CUX2: variants seen among roughly 807,000 people sequenced by gnomAD.
CUX2 encodes cut like homeobox 2.
A neutral mutation model predicts 144.8 loss-of-function variants in CUX2; 40 were observed. The ratio of observed to expected loss-of-function variants is 0.28; its 90% CI spans 0.21 to 0.36. The LOEUF (loss-of-function observed/expected upper bound fraction) is 0.36, where lower values mean the gene tolerates loss of function less well. CUX2 is among the 10% of genes least tolerant of loss of function. The pLI is 1.00. For missense variants in CUX2, 1,615 were observed against 1,994.0 expected, an observed-to-expected ratio of 0.81 and a Z score of 3.62; for synonymous variants, 827 against 875.6, an observed-to-expected ratio of 0.94 and a Z score of 0.98.
At chr12:111,272,336 G>C (rs577145582) in intron 4 of CUX2, among the ~76,000 whole-genome samples, 2 of 152,136 alleles carry the variant, frequency 1.3e-5, no homozygotes, top group South Asian at 4.1e-4. Context: ...CCATGCCCAC[G>C]CTTCTGCTCA....
intron 1 of CUX2, among the ~76,000 whole-genome samples, chr12:111,213,487 A>G (rs1460521918): frequency 1.3e-5 from 2 of 152,276 alleles, no homozygotes; most frequent in East Asian, 3.9e-4. Flanking sequence ...ACCTGGTCTG[A>G]TACCTTCCTT....
At chr12:111,340,410 A>G (rs914254992) in intron 20 of CUX2, among the ~76,000 whole-genome samples, 1 of 152,006 alleles carries the variant, frequency 6.6e-6, no homozygotes, top group African/African-American at 2.4e-5. Context: ...GCTTCTGACA[A>G]TCTAGAGGAT....
At chr12:111,075,142 T>G (rs1451183812) in intron 1 of CUX2, among the ~76,000 whole-genome samples, 3 of 126,388 alleles carry the variant, frequency 2.4e-5, no homozygotes, top group Non-Finnish European at 3.2e-5. Context: ...GAGCAGCCGC[T>G]CTCCCTGGCT....
chr12:111,116,244 G>A (rs1874299660), intron 1 of CUX2, among the ~76,000 whole-genome samples: 1 of 152,216 alleles, frequency 6.6e-6, no homozygotes, highest in Non-Finnish European at 1.5e-5. Context: ...TGCTTTCACA[G>A]CATCAGTCAG....
Position 111,186,586 on chromosome 12 carries a change from G to T in CUX2, c.64-27614G>T, listed in dbSNP as rs914715186. On this transcript the variant is annotated intron_variant, in intron 1 of 21. Transcript: ENST00000261726. The surrounding 1 kb of genome is among the most constrained non-coding windows in gnomAD (Gnocchi z 4.4). ...AGAGAGAGAAGGGCGACTCTGTGGC[G>T]TGAGGCTCGCAGCTGCACAGAGGCA... Among the ~76,000 whole-genome samples, 1 of 152,178 alleles carries T rather than the reference G, an allele frequency of 6.6e-6. No individual in the cohort carries two copies. The highest frequency in any genetic ancestry group is 1.5e-5 in the Non-Finnish European group (1 of 68,030).
At chr12:111,153,310 G>A (rs964227047) in intron 1 of CUX2, among the ~76,000 whole-genome samples, 15 of 152,154 alleles carry the variant, frequency 9.9e-5, no homozygotes, top group African/African-American at 2.7e-4. Flanking sequence ...ATATAGTGGC[G>A]ACCAAGACAG....
At position 111,304,397 on chromosome 12, in the gene CUX2, GTGACACT is replaced by G; in HGVS notation, c.858+85_858+91del. On this transcript the variant is annotated intron_variant, in intron 10 of 21. Coordinates refer to ENST00000261726, the MANE Select transcript of CUX2 (RefSeq NM_015267.4). This position sits in a 1 kb window ranked among gnomAD's most constrained non-coding sequence, Gnocchi z 4.7. Reference sequence around the variant, plus strand: ...TGAGTTTGCAGGTTTCAGCATGTGGGTGACACTTTGTGGTTGATTGTGTGCATCCATT... The same window carrying G: ...TGAGTTTGCAGGTTTCAGCATGTGGGTTGTGGTTGATTGTGTGCATCCATT... 1 of 1,114,016 alleles carries G rather than the reference GTGACACT, an allele frequency of 9.0e-7. No homozygotes were observed. Among genetic ancestry groups the G allele is most frequent in the Middle Eastern group, 1.9e-4 (1 of 5,142 alleles). The allele number at this position is 1,114,016 out of a possible 1,614,324, so 69.0% of individuals were successfully genotyped here. A position where few individuals can be genotyped will look rare whatever the true frequency, so the allele number is the denominator to read the frequency against.
chr12:111,260,338 C>T (rs936089356), intron 3 of CUX2, among the ~76,000 whole-genome samples: 1 of 151,820 alleles, frequency 6.6e-6, no homozygotes, highest in Non-Finnish European at 1.5e-5. Context: ...GTGGCGGGCG[C>T]CTGTAATCCC....
intron 21 of CUX2, among the ~76,000 whole-genome samples, chr12:111,346,582 G>C (rs1443952266): frequency 6.6e-6 from 1 of 152,132 alleles, no homozygotes; most frequent in Non-Finnish European, 1.5e-5. Context: ...GTTGCTAATA[G>C]TCTATATTAG....
In CUX2 at chr12:111,334,710, G is replaced by A. The variant is rs1565929132; in HGVS notation, c.3196G>A (p.Gly1066Arg). The change falls in exon 19 of 22, where the codon GGG becomes AGG. Residue 1066 changes from glycine (G) to arginine (R), a missense_variant and splice_region_variant. By Grantham distance (125) the Gly-to-Arg change is moderately radical. This residue lies in a region of CUX2 where 131 missense variants were observed against 223.1 expected (regional missense o/e 0.59). Coordinates refer to ENST00000261726, the MANE Select transcript of CUX2 (RefSeq NM_015267.4). Reference protein sequence around the residue: ...VKEVLTDNNLGQRLFGESILG... With the variant: ...VKEVLTDNNLRQRLFGESILG... Reference sequence around the variant, plus strand: ...GGAGGTCCTCACAGACAACAATCTAGGTACGGAGCGGGTGGGAATCGGAGA... The same window carrying A: ...GGAGGTCCTCACAGACAACAATCTAAGTACGGAGCGGGTGGGAATCGGAGA... 1.3e-6 allele frequency: 2 copies of A among 1,597,762 alleles called. No homozygotes were observed. The highest frequency in any genetic ancestry group is 8.5e-7 in the Non-Finnish European group (1 of 1,170,410).
chr12:111,321,285 G>A (rs868400508), intron 17 of CUX2, among the ~76,000 whole-genome samples: 2 of 152,250 alleles, frequency 1.3e-5, no homozygotes, highest in South Asian at 4.1e-4. Flanking sequence ...TGGCCAACAT[G>A]GTGAAACCCC....
In CUX2 at chr12:111,061,071, G is replaced by A. The variant is rs1342134113; in HGVS notation, c.63+26831G>A. ...GCTGCCCCCTCCCCCGCTTCCTTGGGGCTGTTCATGGGAGGCCTCCCCTCA... is the reference window on the plus strand; with the variant it reads ...GCTGCCCCCTCCCCCGCTTCCTTGGAGCTGTTCATGGGAGGCCTCCCCTCA... On this transcript the variant is annotated intron_variant, in intron 1 of 21. Transcript: ENST00000261726. The surrounding 1 kb of genome is among the most constrained non-coding windows in gnomAD (Gnocchi z 4.2). Among the ~76,000 whole-genome samples the A allele has an allele frequency of 6.6e-6, 1 of 151,596 alleles. No individual in the cohort carries two copies. Among genetic ancestry groups the A allele is most frequent in the Non-Finnish European group, 1.5e-5 (1 of 68,028 alleles).
At chr12:111,179,880 C>G (rs907169836) in intron 1 of CUX2, among the ~76,000 whole-genome samples, 1 of 152,174 alleles carries the variant, frequency 6.6e-6, no homozygotes, top group Admixed American at 6.5e-5. Context: ...GACAGGGTTT[C>G]GCCCTGTTGG....
intron 3 of CUX2, among the ~76,000 whole-genome samples, chr12:111,233,429 C>A (rs993632500): frequency 6.6e-6 from 1 of 152,154 alleles, no homozygotes; most frequent in Non-Finnish European, 1.5e-5. Context: ...TCACTCTCAC[C>A]ACAAGCACAA....
chr12:111,172,329 G>A (rs1878589244), intron 1 of CUX2, among the ~76,000 whole-genome samples: 1 of 152,212 alleles, frequency 6.6e-6, no homozygotes, highest in Admixed American at 6.5e-5. Flanking sequence ...AAATCAGCAG[G>A]GTTGAGGGAA....
At chr12:111,194,470 A>T (rs1880111273) in intron 1 of CUX2, among the ~76,000 whole-genome samples, 1 of 152,260 alleles carries the variant, frequency 6.6e-6, no homozygotes. Flanking sequence ...ATTACAGTTC[A>T]GGAGATTTTC....
At chr12:111,337,799 G>C (rs1888416805) in intron 19 of CUX2, among the ~76,000 whole-genome samples, 1 of 152,214 alleles carries the variant, frequency 6.6e-6, no homozygotes, top group African/African-American at 2.4e-5. Context: ...ACTTTGGGAG[G>C]CCAAGGCAGA....
rs1226409151 is a variant in CUX2 at position 111,289,974 on chromosome 12, A to C, written c.302-1444A>C. Among the ~76,000 whole-genome samples, 1 of 152,222 alleles carries C rather than the reference A, an allele frequency of 6.6e-6. No homozygotes were observed. Among genetic ancestry groups the C allele is most frequent in the Non-Finnish European group, 1.5e-5 (1 of 68,040 alleles). The stretch of plus-strand genomic sequence containing the variant: ...AGTCATCACTCCAAAGTCAGTCCTC[A>C]GAGCAGTCCCACCTTGGTATCCCCG... On this transcript the variant is annotated intron_variant, in intron 4 of 21. Transcript: ENST00000261726. The surrounding 1 kb of genome is among the most constrained non-coding windows in gnomAD (Gnocchi z 4.1).
chr12:111,294,418 A>T (rs988670309), intron 6 of CUX2, among the ~76,000 whole-genome samples: 1 of 150,718 alleles, frequency 6.6e-6, no homozygotes, highest in Non-Finnish European at 1.5e-5. Context: ...ATATATGCAC[A>T]TTTTTTTTTA....
Sources: gnomAD v4.1 joint callset for allele counts (sites outside exome capture counted in the v4.1 genomes callset) on GRCh38, gnomAD v4.1.1 for gene constraint, gnomAD v4.1.1 regional missense constraint, Gnocchi (gnomAD v3.1) non-coding constraint, MANE v1.5 for transcripts, NCBI Gene and HGNC (gene_info 2026-07-23, HGNC 2026-07-21) for gene names.